RGS7: variants seen among roughly 807,000 people sequenced by gnomAD.
The protein encoded by RGS7 is regulator of G-protein signaling 7.
In RGS7, 27 loss-of-function variants were observed where a neutral mutation model predicts 81.1. The observed-to-expected ratio is 0.33, with a 90% CI of 0.25 to 0.46. RGS7 has a LOEUF of 0.46. RGS7 is among the 20% of genes least tolerant of loss of function. The pLI is 1.00. For missense variants in RGS7, 396 were observed against 607.4 expected, an observed-to-expected ratio of 0.65 and a Z score of 3.66; for synonymous variants, 208 against 207.7, an observed-to-expected ratio of 1.00 and a Z score of -0.01.
Position 241,098,693 on chromosome 1 carries a change from G to A in RGS7, c.148C>T (p.Leu50Phe). ...GIPIRTVKSF[L>F]SKIPSVFSGS... ...GAGAAGACGCTAGGTATCTTGGAAA[G>A]AAAGCTTTTGACCGTACGAATAGGA... is the stretch of plus-strand genomic sequence containing the variant. The change falls in exon 3 of 19, where the codon CTT becomes TTT. Residue 50 changes from leucine to phenylalanine, a missense_variant. Transcript: ENST00000440928. The A allele has an allele frequency of 1.2e-6, 2 of 1,613,564 alleles. No homozygotes were observed. The highest frequency in any genetic ancestry group is 1.7e-6 in the Non-Finnish European group (2 of 1,179,668).
At chr1:241,288,657 G>A (rs183662156) in intron 2 of RGS7, among the ~76,000 whole-genome samples, 87 of 152,278 alleles carry the variant, frequency 5.7e-4, no homozygotes, top group African/African-American at 2.0e-3. Flanking sequence ...AGTAAGGGAG[G>A]CCACAAGGTC....
At chr1:240,877,898 T>C (rs1665716870) in intron 6 of RGS7, among the ~76,000 whole-genome samples, 1 of 152,046 alleles carries the variant, frequency 6.6e-6, no homozygotes, top group South Asian at 2.1e-4. Context: ...CTCTGGAGAG[T>C]CTATTTTCAG....
At chr1:240,971,433 GA>G (rs772746134) in intron 4 of RGS7, among the ~76,000 whole-genome samples, 6 of 152,148 alleles carry the variant, frequency 3.9e-5, no homozygotes, top group Non-Finnish European at 7.4e-5. Flanking sequence ...ACGCTGAAAT[GA>G]ATACACAAAG....
At chr1:240,949,959 G>GAAAAT (rs751731213) in intron 4 of RGS7, among the ~76,000 whole-genome samples, 14 of 151,880 alleles carry the variant, frequency 9.2e-5, no homozygotes, top group Non-Finnish European at 1.9e-4. Flanking sequence ...CAAACAAGCT[G>GAAAAT]AAAATCAACT....
intron 6 of RGS7, among the ~76,000 whole-genome samples, chr1:240,917,241 GA>G (rs1396857229): frequency 6.6e-6 from 1 of 152,144 alleles, no homozygotes; most frequent in Non-Finnish European, 1.5e-5. Context: ...GACCTGCCTT[GA>G]AAAGAATGTT....
At chr1:240,965,854 G>A (rs1367059621) in intron 4 of RGS7, among the ~76,000 whole-genome samples, 1 of 152,142 alleles carries the variant, frequency 6.6e-6, no homozygotes, top group Non-Finnish European at 1.5e-5. Flanking sequence ...GGCTGCTCTT[G>A]GACATCTGTT....
intron 2 of RGS7, among the ~76,000 whole-genome samples, chr1:241,214,086 A>G (rs1461584097): frequency 6.6e-6 from 1 of 152,210 alleles, no homozygotes; most frequent in South Asian, 2.1e-4. Context: ...CTTTATATTT[A>G]TCTATGTATT....
At chr1:241,344,297 T>C (rs2082751924) in intron 2 of RGS7, among the ~76,000 whole-genome samples, 1 of 152,218 alleles carries the variant, frequency 6.6e-6, no homozygotes, top group Admixed American at 6.5e-5. Flanking sequence ...TTAAACAAAA[T>C]ATCAAGCCAC....
intron 9 of RGS7, among the ~76,000 whole-genome samples, chr1:240,832,456 G>A (rs1340210020): frequency 2.6e-5 from 4 of 152,258 alleles, no homozygotes; most frequent in East Asian, 3.9e-4. Context: ...GGGAGTAAAC[G>A]GAGCATATCA....
intron 9 of RGS7, among the ~76,000 whole-genome samples, chr1:240,836,757 G>A (rs1482076549): frequency 1.3e-5 from 2 of 152,140 alleles, no homozygotes; most frequent in Non-Finnish European, 1.5e-5. Context: ...GTGCCATTGC[G>A]TTTTTGCATT....
chr1:241,170,251 T>A (rs1026513177), intron 2 of RGS7, among the ~76,000 whole-genome samples: 2 of 152,208 alleles, frequency 1.3e-5, no homozygotes, highest in African/African-American at 4.8e-5. Context: ...CCCAAAGATT[T>A]GAAATAACAG....
chr1:241,233,800 GTTTTTT>G, intron 2 of RGS7, among the ~76,000 whole-genome samples: 1 of 143,574 alleles, frequency 7.0e-6, no homozygotes, highest in East Asian at 2.1e-4. Context: ...TTTTAGTTTA[GTTTTTT>G]TTTTTTTTTT....
At chr1:240,897,509 C>G (rs903981181) in intron 6 of RGS7, among the ~76,000 whole-genome samples, 1 of 151,988 alleles carries the variant, frequency 6.6e-6, no homozygotes, top group Non-Finnish European at 1.5e-5. Context: ...TGAATTTTGT[C>G]AAAGGCCTTT....
chr1:241,170,842 A>G (rs1000182480), intron 2 of RGS7, among the ~76,000 whole-genome samples: 1 of 150,420 alleles, frequency 6.6e-6, no homozygotes, highest in Non-Finnish European at 1.5e-5. Context: ...ACAGTCTTTA[A>G]TTTCTGTTTT....
At chr1:240,925,488 C>T (rs114511700) in intron 6 of RGS7, among the ~76,000 whole-genome samples, 7,316 of 152,124 alleles carry the variant, frequency 0.048, 375 homozygotes, top group African/African-American at 0.14. Context: ...TAGTATTCCA[C>T]GGTGTATATA....
intron 3 of RGS7, among the ~76,000 whole-genome samples, chr1:241,003,683 T>G (rs2058537921): frequency 6.6e-6 from 1 of 152,130 alleles, no homozygotes; most frequent in Non-Finnish European, 1.5e-5. Context: ...CAAACCCTCA[T>G]GAAGGGGCTC....
intron 10 of RGS7, among the ~76,000 whole-genome samples, chr1:240,825,541 A>C (rs1572274713): frequency 6.6e-6 from 1 of 152,152 alleles, no homozygotes; most frequent in Admixed American, 6.5e-5. Flanking sequence ...CTTCTGGCAA[A>C]TGTTAGCGCT....
chr1:240,860,206 G>C (rs963857592), intron 9 of RGS7, among the ~76,000 whole-genome samples: 1 of 152,166 alleles, frequency 6.6e-6, no homozygotes, highest in Non-Finnish European at 1.5e-5. Flanking sequence ...ATGTCAGTTA[G>C]ATCCAGTTGA....
chr1:240,831,240 T>C (rs1414905134), intron 9 of RGS7, among the ~76,000 whole-genome samples: 2 of 152,146 alleles, frequency 1.3e-5, no homozygotes, highest in South Asian at 2.1e-4. Context: ...TCAACAGATC[T>C]ATGATATCTA....
Sources: allele counts gnomAD v4.1 joint callset (sites outside exome capture counted in the v4.1 genomes callset), GRCh38; gene constraint gnomAD v4.1.1; transcripts MANE v1.5; gene names NCBI Gene and HGNC (gene_info 2026-07-23, HGNC 2026-07-21).